The following C14orf39 variants were observed in gnomAD, a reference collection of about 807,000 sequenced individuals.
C14orf39 encodes chromosome 14 open reading frame 39.
Under a neutral mutation model 85.6 loss-of-function variants are expected in C14orf39, and 66 were observed. The ratio of observed to expected loss-of-function variants is 0.77; its 90% confidence interval spans 0.63 to 0.95. The LOEUF (loss-of-function observed/expected upper bound fraction) is 0.95. Among genes scored for constraint, C14orf39 ranks in the 40% least tolerant of loss-of-function variants. The pLI, the probability that C14orf39 is intolerant of heterozygous loss-of-function variation, is 0.00. For missense variants in C14orf39, 735 were observed against 663.9 expected (o/e 1.11, Z -1.18); for synonymous variants, 242 against 214.0 (o/e 1.13, Z -1.14).
intron 4 of C14orf39, 84 bp downstream of exon 4, chr14:60,483,607 A>T: frequency 8.4e-7 from 1 of 1,183,592 alleles, no homozygotes; most frequent in Non-Finnish European, 1.2e-6. Context: ...ACAGAATACT[A>T]CTTTGAAGGA....
intron 1 of C14orf39, among the ~76,000 whole-genome samples, chr14:60,513,613 T>G (rs1289852381): frequency 6.6e-6 from 1 of 152,180 alleles, no homozygotes; most frequent in Non-Finnish European, 1.5e-5. Flanking sequence ...AATTTTCTCT[T>G]AAGTTTATGC....
intron 9 of C14orf39, among the ~76,000 whole-genome samples, chr14:60,467,596 T>C (rs2066559469): frequency 6.6e-6 from 1 of 151,888 alleles, no homozygotes; most frequent in South Asian, 2.1e-4. Flanking sequence ...TTTCTGTCAA[T>C]ACATGGAATT....
chr14:60,499,795 C>T (rs1595495553), intron 1 of C14orf39, among the ~76,000 whole-genome samples: 4 of 152,244 alleles, frequency 2.6e-5, no homozygotes, highest in East Asian at 1.9e-4. Flanking sequence ...AATATATATC[C>T]TTAATATTTG....
At chr14:60,465,280 T>C (rs1015521261) in intron 11 of C14orf39, among the ~76,000 whole-genome samples, 1 of 152,130 alleles carries the variant, frequency 6.6e-6, no homozygotes, top group African/African-American at 2.4e-5. Context: ...GGAAGAACAA[T>C]TATATTTTTC....
intron 17 of C14orf39, among the ~76,000 whole-genome samples, chr14:60,437,871 T>C (rs942615689): frequency 1.3e-5 from 2 of 151,962 alleles, no homozygotes; most frequent in East Asian, 3.8e-4. Context: ...AAGCTTTAAA[T>C]GTAGCTCTGG....
At chr14:60,446,951 C>T (rs1890792926) in intron 16 of C14orf39, among the ~76,000 whole-genome samples, 1 of 152,134 alleles carries the variant, frequency 6.6e-6, no homozygotes, top group South Asian at 2.1e-4. Flanking sequence ...ACAAAAACCA[C>T]ACGATTATCT....
In C14orf39 at chr14:60,509,303, A is replaced by G. The variant is rs1893252536; in HGVS notation, c.-144+6092T>C. 3.6e-6 allele frequency: 4 copies of G among 1,109,524 alleles called. No individual in the cohort carries two copies. The Admixed American group carries it at 6.9e-5, about 19-fold the overall frequency. 68.7% of individuals were successfully genotyped at this position (1,109,524 alleles called of 1,614,324 possible). A position where few individuals can be genotyped will look rare whatever the true frequency, so the allele number is the denominator to read the frequency against. ...GTGTCCCGCTGCCCCAATCCGCCTC[A>G]TCAACAAGCGCCTGGCACACTCAGC... On this transcript the variant is annotated intron_variant, in intron 1 of 5. Transcript: ENST00000556799.
intron 16 of C14orf39, among the ~76,000 whole-genome samples, chr14:60,452,547 C>A (rs765088133): frequency 6.0e-5 from 9 of 151,162 alleles, no homozygotes; most frequent in Non-Finnish European, 1.0e-4. Flanking sequence ...TTAATGGGTA[C>A]AAAAACATAG....
intron 1 of C14orf39, chr14:60,509,823 T>A: frequency 6.2e-7 from 1 of 1,613,934 alleles, no homozygotes; most frequent in Non-Finnish European, 8.5e-7. Context: ...ACGCGGCACC[T>A]GCTACGCGAG....
chr14:60,498,915 G>A (rs542599210), intron 2 of C14orf39, among the ~76,000 whole-genome samples: 3 of 152,118 alleles, frequency 2.0e-5, no homozygotes, highest in African/African-American at 7.2e-5. Flanking sequence ...TGATCTTAAG[G>A]TTCATCTGGA....
At chr14:60,505,285 A>G (rs1043743095) in intron 1 of C14orf39, among the ~76,000 whole-genome samples, 2 of 152,212 alleles carry the variant, frequency 1.3e-5, no homozygotes, top group African/African-American at 4.8e-5. Flanking sequence ...TAAAAGTAGG[A>G]TATTGAATTC....
chr14:60,442,514 C>T (rs939000544), intron 16 of C14orf39, among the ~76,000 whole-genome samples: 1 of 152,098 alleles, frequency 6.6e-6, no homozygotes, highest in Admixed American at 6.6e-5. Context: ...TGCCAAAAGT[C>T]TATTTTATCA....
chr14:60,494,019 G>T, intron 2 of C14orf39: 1 of 212,254 alleles, frequency 4.7e-6, no homozygotes, highest in East Asian at 1.2e-4. Context: ...GAGGGACACT[G>T]GAAGGGTGTC....
At chr14:60,500,563 G>A (rs1292657810) in intron 1 of C14orf39, among the ~76,000 whole-genome samples, 1 of 152,042 alleles carries the variant, frequency 6.6e-6, no homozygotes, top group Non-Finnish European at 1.5e-5. Flanking sequence ...AATAAGTTGT[G>A]GTATTTATGC....
At chr14:60,495,938 AG>A (rs1566687545) in intron 2 of C14orf39, 1 of 450,050 alleles carries the variant, frequency 2.2e-6, no homozygotes, top group Non-Finnish European at 4.4e-6. Context: ...CAAAGTACTC[AG>A]GGGGCAAGAC....
At chr14:60,447,223 T>TA (rs1890810379) in intron 16 of C14orf39, among the ~76,000 whole-genome samples, 1 of 152,250 alleles carries the variant, frequency 6.6e-6, no homozygotes, top group East Asian at 1.9e-4. Flanking sequence ...GAGAAAGAAA[T>TA]AAAGGGTATT....
In C14orf39 at chr14:60,456,923, A is replaced by G; in HGVS notation, c.1352T>C (p.Phe451Ser). The G allele has an allele frequency of 6.4e-7, 1 of 1,565,634 alleles. No individual in the cohort carries two copies. Among genetic ancestry groups the G allele is most frequent in the Non-Finnish European group, 8.6e-7 (1 of 1,162,702 alleles). ...TTATTAATTAAAATCCTACATTTCG[A>G]ACGGGGGGGTTTTAGGGAATTTTAT... The part of the protein sequence containing the change: ...EKIKFPKTPP[F>S]EINRNRNAVP... The change falls in exon 15 of 18, where the codon TTC (phenylalanine) becomes TCC (serine). Residue 451 changes from phenylalanine to serine, a missense_variant. By Grantham distance (155) the Phe-to-Ser change is radical (BLOSUM62 -2). Transcript: ENST00000321731.
intron 17 of C14orf39, among the ~76,000 whole-genome samples, chr14:60,441,015 G>A (rs2140015887): frequency 1.3e-5 from 2 of 152,174 alleles, no homozygotes; most frequent in South Asian, 4.2e-4. Flanking sequence ...TTACTTTGCT[G>A]CATAGTATTT....
chr14:60,478,285 A>T lies in C14orf39; in HGVS notation c.323+15T>A. ...CAAACTTATAGAATTGATAAACTTC[A>T]TATAAGTACTATACTTGTCTTTTTC... On this transcript the variant is annotated intron_variant, in intron 5 of 17. Coordinates refer to ENST00000321731, the MANE Select transcript of C14orf39 (RefSeq NM_174978.3). 7.7e-7 allele frequency: 1 copy of T among 1,296,104 alleles called. No homozygotes were observed. The highest frequency in any genetic ancestry group is 1.1e-6 in the Non-Finnish European group (1 of 951,404). The allele number at this position is 1,296,104 out of a possible 1,614,324, so 80.3% of individuals were successfully genotyped here. A position where few individuals can be genotyped will look rare whatever the true frequency, so the allele number is the denominator to read the frequency against.
Sources: allele counts gnomAD v4.1 joint callset (sites outside exome capture counted in the v4.1 genomes callset), GRCh38; gene constraint gnomAD v4.1.1; transcripts MANE v1.5; gene names NCBI Gene and HGNC (gene_info 2026-07-23, HGNC 2026-07-21).